ELP4: variants seen among roughly 807,000 people sequenced by gnomAD.
ELP4 encodes the protein elongator complex protein 4.
ELP4 carries 51 observed loss-of-function variants against 48.9 expected under a neutral mutation model. That is an observed-to-expected ratio of 1.04 (90% CI 0.83 to 1.32). ELP4 has a LOEUF of 1.32. ELP4 is among the 40% of genes most tolerant of loss of function. The pLI, the probability that ELP4 is intolerant of heterozygous loss-of-function variation, is 0.00. For synonymous variants in ELP4, 210 were observed against 189.2 expected (o/e 1.11, Z -0.90); for missense variants, 519 against 514.6 (o/e 1.01, Z -0.08).
At chr11:31,613,825 C>T (rs935733665) in intron 5 of ELP4, among the ~76,000 whole-genome samples, 3 of 150,818 alleles carry the variant, frequency 2.0e-5, no homozygotes, top group East Asian at 2.0e-4. Flanking sequence ...TCTCCTGCCT[C>T]GGCCTCCTGA....
chr11:31,750,670 A>C (rs1947700469), intron 9 of ELP4, among the ~76,000 whole-genome samples: 1 of 152,044 alleles, frequency 6.6e-6, no homozygotes, highest in Non-Finnish European at 1.5e-5. Flanking sequence ...TGCCTACCCA[A>C]TTCCTCAGAG....
chr11:31,658,683 A>T (rs1945490082), intron 9 of ELP4, among the ~76,000 whole-genome samples: 1 of 151,940 alleles, frequency 6.6e-6, no homozygotes, highest in Non-Finnish European at 1.5e-5. Flanking sequence ...ATTTGCTTAT[A>T]GCTAATCAAC....
intron 9 of ELP4, among the ~76,000 whole-genome samples, chr11:31,674,753 A>G (rs1446246672): frequency 6.6e-6 from 1 of 152,246 alleles, no homozygotes; most frequent in African/African-American, 2.4e-5. Flanking sequence ...ATGCCAGGGC[A>G]TGGCTTTTCT....
chr11:31,556,772 G>A (rs923319379), intron 3 of ELP4, among the ~76,000 whole-genome samples: 5 of 151,814 alleles, frequency 3.3e-5, no homozygotes, highest in African/African-American at 9.7e-5. Context: ...TCCAGCATCA[G>A]CTACAATAAA....
At chr11:31,713,256 T>G (rs1946778965) in intron 9 of ELP4, among the ~76,000 whole-genome samples, 1 of 152,194 alleles carries the variant, frequency 6.6e-6, no homozygotes, top group South Asian at 2.1e-4. Flanking sequence ...AATAGAGAAT[T>G]AGAAATTAAT....
chr11:31,571,628 G>T (rs1415644956), intron 3 of ELP4, among the ~76,000 whole-genome samples: 2 of 152,144 alleles, frequency 1.3e-5, no homozygotes, highest in Non-Finnish European at 2.9e-5. Flanking sequence ...AGCAGCAATA[G>T]TGTTAAGACA....
chr11:31,530,930 A>C (rs1472172739), intron 2 of ELP4, among the ~76,000 whole-genome samples: 1 of 152,180 alleles, frequency 6.6e-6, no homozygotes, highest in Non-Finnish European at 1.5e-5. Context: ...CCTAGAAATT[A>C]GACTGTTAAT....
intron 9 of ELP4, among the ~76,000 whole-genome samples, chr11:31,732,244 CA>C: frequency 6.6e-6 from 1 of 151,960 alleles, no homozygotes; most frequent in Middle Eastern, 3.4e-3. Flanking sequence ...TAAAAATATG[CA>C]AATGGATACA....
rs118044706 is a variant in ELP4 at position 31,740,552 on chromosome 11, T to A, written c.1144-42841T>A. Among the ~76,000 whole-genome samples, 11 of 152,354 alleles carry A rather than the reference T, an allele frequency of 7.2e-5. No homozygotes were observed. The East Asian group carries it at 2.1e-3, about 29-fold the overall frequency. On this transcript the variant is annotated intron_variant, in intron 9 of 9. Transcript: ENST00000640961. Reference sequence around the variant, plus strand: ...TGGTGCCTGAATAATAGAGGCAGGCTGGGCTGTTCCTAACTTTTGCATAAG... The same window carrying A: ...TGGTGCCTGAATAATAGAGGCAGGCAGGGCTGTTCCTAACTTTTGCATAAG...
intron 9 of ELP4, among the ~76,000 whole-genome samples, chr11:31,673,549 G>T (rs1945854564): frequency 6.6e-6 from 1 of 151,854 alleles, no homozygotes; most frequent in South Asian, 2.1e-4. Flanking sequence ...CACTGGTCTT[G>T]AACTGCTGGC....
intron 3 of ELP4, among the ~76,000 whole-genome samples, chr11:31,571,225 A>T (rs1207827165): frequency 6.6e-6 from 1 of 152,230 alleles, no homozygotes; most frequent in African/African-American, 2.4e-5. Flanking sequence ...AAGTATATGG[A>T]ATATTCTAAA....
intron 3 of ELP4, among the ~76,000 whole-genome samples, chr11:31,591,657 C>T (rs1022203784): frequency 6.6e-6 from 1 of 152,092 alleles, no homozygotes; most frequent in Non-Finnish European, 1.5e-5. Flanking sequence ...CATTGTTGGT[C>T]GGAATGTAAA....
intron 5 of ELP4, among the ~76,000 whole-genome samples, chr11:31,625,065 A>G (rs1023605579): frequency 8.6e-5 from 13 of 151,744 alleles, no homozygotes; most frequent in African/African-American, 2.4e-4. Context: ...CTCTAACAAT[A>G]AATAGTATAG....
intron 9 of ELP4, among the ~76,000 whole-genome samples, chr11:31,699,333 G>T (rs530038491): frequency 6.6e-6 from 1 of 152,080 alleles, no homozygotes; most frequent in East Asian, 1.9e-4. Flanking sequence ...CATGGCCCAG[G>T]ATTTAATTCA....
chr11:31,671,065 A>G (rs947022178), intron 9 of ELP4, among the ~76,000 whole-genome samples: 1 of 152,128 alleles, frequency 6.6e-6, no homozygotes, highest in African/African-American at 2.4e-5. Context: ...GGTAATACCT[A>G]ATTTAGGATG....
At chr11:31,653,759 G>A (rs1443504104) in intron 9 of ELP4, 2 of 151,750 alleles carry the variant, frequency 1.3e-5, no homozygotes, top group Non-Finnish European at 2.9e-5. Context: ...CGTACACACT[G>A]TGTTCTTAGT....
intron 9 of ELP4, among the ~76,000 whole-genome samples, chr11:31,772,564 T>C (rs1948169011): frequency 6.6e-6 from 1 of 152,212 alleles, no homozygotes; most frequent in Non-Finnish European, 1.5e-5. Context: ...CTGTTTTGTC[T>C]CTAGTGCTTA....
chr11:31,557,761 A>C (rs1956953009), intron 3 of ELP4, among the ~76,000 whole-genome samples: 1 of 152,134 alleles, frequency 6.6e-6, no homozygotes, highest in Non-Finnish European at 1.5e-5. Flanking sequence ...GATTCAGAAC[A>C]AAAGCCATAC....
chr11:31,667,678 A>C (rs1252964005), intron 9 of ELP4, among the ~76,000 whole-genome samples: 1 of 152,186 alleles, frequency 6.6e-6, no homozygotes. Context: ...AATTTCAACT[A>C]TAAAACTTCT....
Sources: gnomAD v4.1 joint callset for allele counts (sites outside exome capture counted in the v4.1 genomes callset) on GRCh38, gnomAD v4.1.1 for gene constraint, MANE v1.5 for transcripts, NCBI Gene and HGNC (gene_info 2026-07-23, HGNC 2026-07-21) for gene names.